PCDHGC5: variants seen among roughly 807,000 people sequenced by gnomAD.
PCDHGC5 encodes the protein protocadherin gamma subfamily C, 5.
In PCDHGC5, 25 loss-of-function variants were observed where a neutral mutation model predicts 59.0. The observed-to-expected ratio is 0.42, with a 90% CI of 0.31 to 0.59. PCDHGC5 has a LOEUF of 0.59. Ranked by LOEUF, PCDHGC5 falls within the 20% of genes least tolerant of loss-of-function variation. The pLI is 0.13. For synonymous variants in PCDHGC5, 434 were observed against 505.5 expected (o/e 0.86, Z 1.90); for missense variants, 1,067 against 1,206.4 (o/e 0.88, Z 1.71).
rs891428609 is a variant in PCDHGC5, at chr5:141,503,553, C to T, written c.2520-1840C>T. Among the ~76,000 whole-genome samples the T allele has an allele frequency of 9.4e-5, 14 of 149,164 alleles. No homozygotes were observed. In the East Asian group the frequency reaches 2.2e-3, roughly 23 times the overall value. On this transcript the variant is annotated intron_variant, in intron 2 of 3. Coordinates refer to ENST00000252087, the MANE Select transcript of PCDHGC5 (RefSeq NM_018929.3). ...GGCAGAGGTTGCAGTGAGCCGAGAT[C>T]GCGCCACTGTACTCCAGCCTGGGTG...
rs774898388 is a variant in PCDHGC5, at chr5:141,491,593, A to G, written c.2353A>G (p.Ser785Gly). 6.8e-6 allele frequency: 11 copies of G among 1,613,918 alleles called. No individual in the cohort carries two copies. In the Admixed American group the frequency reaches 1.2e-4, roughly 17 times the overall value. Reference sequence around the variant, plus strand: ...GTGCTTTTCACCGGCCTCGGACGGCAGTGACTTCACTTTTCTAAGACCCCT... The same window carrying G: ...GTGCTTTTCACCGGCCTCGGACGGCGGTGACTTCACTTTTCTAAGACCCCT... ...RTCFSPASDG[S>G]DFTFLRPLSV... The change falls in exon 1 of 4, where the codon AGT (serine) becomes GGT (glycine). Residue 785 changes from serine (S) to glycine (G), a missense_variant. Transcript: ENST00000252087. This position sits in a 1 kb window ranked among gnomAD's most constrained non-coding sequence, Gnocchi z 6.9.
Position 141,491,536 on chromosome 5 carries a change from C to T in PCDHGC5, c.2296C>T (p.Pro766Ser), listed in dbSNP as rs746800813. 1.2e-6 allele frequency: 2 copies of T among 1,614,006 alleles called. No individual in the cohort carries two copies. Among genetic ancestry groups the T allele is most frequent in the Admixed American group, 3.3e-5 (2 of 60,030 alleles). The change falls in exon 1 of 4, where the codon CCC becomes TCC. Residue 766 changes from proline to serine, a missense_variant. By Grantham distance (74) the Pro-to-Ser change is moderately conservative. Coordinates refer to ENST00000252087, the MANE Select transcript of PCDHGC5 (RefSeq NM_018929.3). This position sits in a 1 kb window ranked among gnomAD's most constrained non-coding sequence, Gnocchi z 6.9. The part of the protein sequence containing the change: ...TLKYMEVTLR[P>S]TDSQSHCYRT... ...CAAGTACATGGAGGTGACGCTGCGG[C>T]CCACAGACTCGCAGAGCCACTGCTA...
chr5:141,502,866 CTTTT>C (rs549047197), intron 2 of PCDHGC5, among the ~76,000 whole-genome samples: 1 of 128,042 alleles, frequency 7.8e-6, no homozygotes. Context: ...GACTCTCTGT[CTTTT>C]TTTTTTTTTT....
intron 2 of PCDHGC5, among the ~76,000 whole-genome samples, chr5:141,501,956 A>G (rs527567012): frequency 6.6e-6 from 1 of 152,136 alleles, no homozygotes; most frequent in Non-Finnish European, 1.5e-5. Context: ...GTGACAGGTC[A>G]TCCTCCTAAC....
In PCDHGC5 at chr5:141,511,580, G is replaced by A. The variant is rs1436011320; in HGVS notation, c.*407G>A. ...CTCTTTCCCGAGTAAGGTGGTTGGG[G>A]TGTTGAAGTACCAAGTAACCTACAA... On this transcript the variant is annotated 3_prime_UTR_variant, in exon 4 of 4. Coordinates refer to ENST00000252087, the MANE Select transcript of PCDHGC5 (RefSeq NM_018929.3). 2 of 282,206 alleles carry A rather than the reference G, an allele frequency of 7.1e-6. No individual in the cohort carries two copies. Among genetic ancestry groups the A allele is most frequent in the Admixed American group, 4.6e-5 (1 of 21,516 alleles). The allele number at this position is 282,206 out of a possible 1,614,324, so 17.5% of individuals were successfully genotyped here.
chr5:141,492,079 G>C (rs1400390407), intron 1 of PCDHGC5: 3 of 486,286 alleles, frequency 6.2e-6, no homozygotes, highest in South Asian at 4.1e-5. Flanking sequence ...CGCCGGCTCC[G>C]GCACGCTTCG....
At position 141,489,088 on chromosome 5, in the gene PCDHGC5, GAC is replaced by G; in HGVS notation, c.-152_-151del. 5.8e-6 allele frequency: 2 copies of G among 347,236 alleles called. No homozygotes were observed. The highest frequency in any genetic ancestry group is 4.7e-5 in the East Asian group (1 of 21,502). The allele number at this position is 347,236 out of a possible 1,614,324, so 21.5% of individuals were successfully genotyped here. A position where few individuals can be genotyped will look rare whatever the true frequency, so the allele number is the denominator to read the frequency against. ...CCCCTGCCCACCCCCGCCACTCGGT[GAC>G]TAAGAACTGCTGCAAGCAGGCAAAC... On this transcript the variant is annotated 5_prime_UTR_variant, in exon 1 of 4. Transcript: ENST00000252087. The surrounding 1 kb of genome is among the most constrained non-coding windows in gnomAD (Gnocchi z 4.5).
intron 3 of PCDHGC5, among the ~76,000 whole-genome samples, chr5:141,510,147 C>T (rs1416633745): frequency 1.3e-5 from 2 of 151,984 alleles, no homozygotes; most frequent in Non-Finnish European, 2.9e-5. Flanking sequence ...GTGGTGTGCA[C>T]CTGTAATCTC....
At chr5:141,499,679 T>G (rs2099793341) in intron 2 of PCDHGC5, among the ~76,000 whole-genome samples, 1 of 150,922 alleles carries the variant, frequency 6.6e-6, no homozygotes, top group South Asian at 2.1e-4. Context: ...CCACCATCTT[T>G]AACAGATGAC....
intron 2 of PCDHGC5, among the ~76,000 whole-genome samples, chr5:141,497,602 C>T (rs948023459): frequency 2.0e-5 from 3 of 148,260 alleles, no homozygotes; most frequent in East Asian, 2.0e-4. Flanking sequence ...TGCAGTGGTG[C>T]GATCTTGGCT....
chr5:141,501,902 C>G (rs2154593013), intron 2 of PCDHGC5, among the ~76,000 whole-genome samples: 1 of 152,202 alleles, frequency 6.6e-6, no homozygotes, highest in East Asian at 1.9e-4. Flanking sequence ...GGTTCCAACC[C>G]CACTGTTCCA....
chr5:141,494,701 C>G, intron 1 of PCDHGC5, 106 bp from the exon 2 acceptor site: 1 of 1,594,596 alleles, frequency 6.3e-7, no homozygotes, highest in Non-Finnish European at 8.6e-7. Context: ...CCGTTTTCTT[C>G]TCTGTGCCCA....
At chr5:141,497,983 C>T (rs2099780927) in intron 2 of PCDHGC5, among the ~76,000 whole-genome samples, 1 of 152,168 alleles carries the variant, frequency 6.6e-6, no homozygotes, top group African/African-American at 2.4e-5. Context: ...GTGGGAGGCC[C>T]CTGCCCTCAA....
chr5:141,511,450 C>A lies in PCDHGC5; in HGVS notation c.*277C>A. Reference sequence around the variant, plus strand: ...TGGGGTTACTGTAGACACCAAGAACCATTTGCCACACCCCGTTTAGTTACA... The same window carrying A: ...TGGGGTTACTGTAGACACCAAGAACAATTTGCCACACCCCGTTTAGTTACA... On this transcript the variant is annotated 3_prime_UTR_variant, in exon 4 of 4. Transcript: ENST00000252087. The A allele has an allele frequency of 3.3e-6, 2 of 615,088 alleles. No homozygotes were observed. The highest frequency in any genetic ancestry group is 6.8e-5 in the East Asian group (2 of 29,272). The allele number at this position is 615,088 out of a possible 1,614,324, so 38.1% of individuals were successfully genotyped here.
Position 141,490,618 on chromosome 5 carries a change from A to C in PCDHGC5, c.1378A>C (p.Thr460Pro). The C allele has an allele frequency of 6.2e-7, 1 of 1,614,104 alleles. No homozygotes were observed. Among genetic ancestry groups the C allele is most frequent in the South Asian group, 1.1e-5 (1 of 91,080 alleles). ...NAPRFNQQLY[T>P]AYILENRPPG... is the part of the protein sequence containing the mutation. ...ACCCCGCTTCAACCAGCAGCTTTAC[A>C]CTGCTTACATCCTAGAAAACCGGCC... The change falls in exon 1 of 4, where the codon ACT becomes CCT. Residue 460 changes from threonine to proline, a missense_variant. Thr to Pro is a conservative substitution (Grantham distance 38). Coordinates refer to ENST00000252087, the MANE Select transcript of PCDHGC5 (RefSeq NM_018929.3). This position sits in a 1 kb window ranked among gnomAD's most constrained non-coding sequence, Gnocchi z 5.4.
chr5:141,498,786 A>T (rs2099785591), intron 2 of PCDHGC5, among the ~76,000 whole-genome samples: 1 of 152,050 alleles, frequency 6.6e-6, no homozygotes, highest in East Asian at 1.9e-4. Context: ...ACAAAATATT[A>T]GCCAGGTGTG....
chr5:141,506,742 A>G (rs1475692668), intron 3 of PCDHGC5, among the ~76,000 whole-genome samples: 5 of 152,172 alleles, frequency 3.3e-5, no homozygotes, highest in Non-Finnish European at 7.3e-5. Context: ...AATGCCTATT[A>G]ATAAAGACTA....
At chr5:141,492,952 C>T (rs1428667098) in intron 1 of PCDHGC5, among the ~76,000 whole-genome samples, 1 of 152,242 alleles carries the variant, frequency 6.6e-6, no homozygotes, top group Non-Finnish European at 1.5e-5. Context: ...GGTGACCAAA[C>T]TATCTGACAC....
At chr5:141,496,050 G>A (rs1232836015) in intron 2 of PCDHGC5, among the ~76,000 whole-genome samples, 2 of 149,892 alleles carry the variant, frequency 1.3e-5, no homozygotes, top group Non-Finnish European at 3.0e-5. Flanking sequence ...ATTTTTTTGT[G>A]CTTGTGGGCA....
Sources: allele counts gnomAD v4.1 joint callset (sites outside exome capture counted in the v4.1 genomes callset), GRCh38; gene constraint gnomAD v4.1.1; non-coding constraint Gnocchi (gnomAD v3.1); transcripts MANE v1.5; gene names NCBI Gene and HGNC (gene_info 2026-07-23, HGNC 2026-07-21).